Variants in ACAT1 observed in about 807,000 individuals in gnomAD.
The protein encoded by ACAT1 is acetyl-CoA acetyltransferase 1.
A neutral mutation model predicts 47.3 loss-of-function variants in ACAT1; 28 were observed. The ratio of observed to expected loss-of-function variants is 0.59; its 90% CI spans 0.44 to 0.81. ACAT1 has a LOEUF of 0.81. Among genes scored for constraint, ACAT1 ranks in the 30% least tolerant of loss-of-function variants. The probability of loss-of-function intolerance (pLI) is 0.00; values close to 1 mark genes in which losing one functional copy is unlikely to be tolerated. For synonymous variants in ACAT1, 181 were observed against 173.6 expected (o/e 1.04, Z -0.34); for missense variants, 469 against 524.3 (o/e 0.89, Z 1.03).
intron 4 of ACAT1, 85 bp downstream of exon 4, chr11:108,134,401 T>G (rs2077422119): frequency 9.4e-7 from 1 of 1,065,080 alleles, no homozygotes; most frequent in African/African-American, 1.6e-5. Context: ...TCCCAGCACT[T>G]TGGGAGGCCG....
chr11:108,120,131 A>G (rs1049862568), upstream of ACAT1, among the ~76,000 whole-genome samples: 2 of 152,084 alleles, frequency 1.3e-5, no homozygotes, highest in African/African-American at 2.4e-5. Flanking sequence ...AGGCGAACTC[A>G]GGAGGCAGAG....
intron 2 of ACAT1, 103 bp from the exon 3 acceptor site, chr11:108,133,717 A>G (rs2135333991): frequency 1.1e-6 from 1 of 906,134 alleles, no homozygotes; most frequent in East Asian, 2.7e-5. Context: ...ATTTTTGATG[A>G]CTCATTCATA....
intron 2 of ACAT1, among the ~76,000 whole-genome samples, 183 bp from the exon 3 acceptor site, chr11:108,133,637 A>G (rs909457111): frequency 1.3e-5 from 2 of 152,230 alleles, no homozygotes; most frequent in Non-Finnish European, 1.5e-5. Flanking sequence ...GTTGGTTTCT[A>G]TAAGGTCTTA....
At chr11:108,145,658 T>C (rs911039378) in intron 10 of ACAT1, among the ~76,000 whole-genome samples, 10 of 152,248 alleles carry the variant, frequency 6.6e-5, no homozygotes, top group Non-Finnish European at 1.3e-4. Flanking sequence ...CAAATATCTG[T>C]GGAAAGAAAA....
At position 108,147,252 on chromosome 11, in the gene ACAT1, ATGC is replaced by A; in HGVS notation, c.1164-16_1164-14del. 1 of 1,613,450 alleles carries A rather than the reference ATGC, an allele frequency of 6.2e-7. No individual in the cohort carries two copies. The highest frequency in any genetic ancestry group is 1.1e-5 in the South Asian group (1 of 91,058). On this transcript the variant is annotated splice_polypyrimidine_tract_variant and intron_variant, in intron 11 of 11. Transcript: ENST00000265838. The stretch of plus-strand genomic sequence containing the variant: ...ATTCTGTACTTCATTAAAGAAGTAA[ATGC>A]TTTCTTAATTTTAGGATGTCTGGAG...
At chr11:108,123,734 C>G (rs1029826013) in intron 1 of ACAT1, among the ~76,000 whole-genome samples, 2 of 152,040 alleles carry the variant, frequency 1.3e-5, no homozygotes, top group African/African-American at 2.4e-5. Flanking sequence ...GACACGGGGT[C>G]TGGTTCTGTT....
At chr11:108,128,484 G>C (rs550584942) in intron 1 of ACAT1, among the ~76,000 whole-genome samples, 2 of 152,284 alleles carry the variant, frequency 1.3e-5, no homozygotes, top group Middle Eastern at 3.4e-3. Context: ...CCAGGTACTC[G>C]GGAGGCTGAG....
chr11:108,147,462 G>A lies in ACAT1; in HGVS notation c.*72G>A. The A allele has an allele frequency of 1.3e-6, 2 of 1,579,930 alleles. No individual in the cohort carries two copies. The highest frequency in any genetic ancestry group is 1.1e-5 in the South Asian group (1 of 90,028). ...TGCTGTAATCAGTGTGACTACTGTG[G>A]GTCAGCTTATATTCAGATAAGCTGT... On this transcript the variant is annotated 3_prime_UTR_variant, in exon 12 of 12. Transcript: ENST00000265838.
chr11:108,141,178 G>C (rs1914868), intron 7 of ACAT1, among the ~76,000 whole-genome samples: 1 of 151,836 alleles, frequency 6.6e-6, no homozygotes, highest in Non-Finnish European at 1.5e-5. Context: ...CAGTGAGCTA[G>C]GTTTGTAGCA....
At chr11:108,138,507 C>T (rs1157460430) in intron 5 of ACAT1, among the ~76,000 whole-genome samples, 1 of 151,752 alleles carries the variant, frequency 6.6e-6, no homozygotes, top group Non-Finnish European at 1.5e-5. Context: ...AGCAATCCTC[C>T]TGCCTTGGCC....
At chr11:108,144,491 T>C (rs1438907344) in intron 10 of ACAT1, among the ~76,000 whole-genome samples, 2 of 152,064 alleles carry the variant, frequency 1.3e-5, no homozygotes, top group Non-Finnish European at 2.9e-5. Context: ...ATATTCCAAA[T>C]TGTCAGTAAG....
upstream of ACAT1, chr11:108,121,221 T>A: frequency 6.9e-6 from 2 of 287,914 alleles, no homozygotes; most frequent in Non-Finnish European, 6.7e-6. Flanking sequence ...AAAAAAATCC[T>A]AAAATATTTT....
chr11:108,131,686 G>C (rs1346079970), intron 1 of ACAT1, among the ~76,000 whole-genome samples: 1 of 151,836 alleles, frequency 6.6e-6, no homozygotes, highest in Non-Finnish European at 1.5e-5. Flanking sequence ...AAACTTAAGA[G>C]TTAAAACGTA....
chr11:108,121,530 G>C (rs2077146176), upstream of ACAT1: 3 of 1,471,910 alleles, frequency 2.0e-6, no homozygotes, highest in South Asian at 3.7e-5. Flanking sequence ...TGCCCGCGCC[G>C]GGCCGCTAGG....
intron 2 of ACAT1, among the ~76,000 whole-genome samples, chr11:108,132,980 T>A (rs1283782334): frequency 6.8e-6 from 1 of 146,496 alleles, no homozygotes; most frequent in Non-Finnish European, 1.5e-5. Context: ...AGGTTAGGAG[T>A]TCAAGACCAG....
In ACAT1 at chr11:108,134,232, G is replaced by A. The variant is rs984322895; in HGVS notation, c.250G>A (p.Glu84Lys). 6.2e-7 allele frequency: 1 copy of A among 1,608,918 alleles called. No individual in the cohort carries two copies. The highest frequency in any genetic ancestry group is 8.5e-7 in the Non-Finnish European group (1 of 1,177,754). ...TTTTTTTAATAAAGGGATTCCAAAA[G>A]AAGAAGTGAAAGAAGCATACATGGG... ...GAIEKAGIPK[E>K]EVKEAYMGNV... Residue 84 changes from glutamate (E) to lysine (K), a missense_variant, in exon 4 of 12, where the codon GAA (glutamate) becomes AAA (lysine). By Grantham distance (56) the Glu-to-Lys change is moderately conservative. Transcript: ENST00000265838.
chr11:108,146,070 A>T (rs957583265), intron 10 of ACAT1, 132 bp from the exon 11 acceptor site: 75 of 856,834 alleles, frequency 8.8e-5, no homozygotes, highest in Non-Finnish European at 1.2e-4. Flanking sequence ...GAAAATAGAG[A>T]TCCTTCCATC....
chr11:108,138,253 G>T (rs1272130360), intron 5 of ACAT1, among the ~76,000 whole-genome samples: 1 of 151,790 alleles, frequency 6.6e-6, no homozygotes, highest in African/African-American at 2.4e-5. Flanking sequence ...CCAGAGTGCT[G>T]GGATTACAGG....
chr11:108,117,686 C>CT (rs1473375752), upstream of ACAT1, among the ~76,000 whole-genome samples: 1 of 152,108 alleles, frequency 6.6e-6, no homozygotes, highest in African/African-American at 2.4e-5. Context: ...TTCCAGTAGT[C>CT]TAAGTTTGAC....
Sources: allele counts gnomAD v4.1 joint callset (sites outside exome capture counted in the v4.1 genomes callset), GRCh38; gene constraint gnomAD v4.1.1; transcripts MANE v1.5; gene names NCBI Gene and HGNC (gene_info 2026-07-23, HGNC 2026-07-21).